The following CCSER2 variants were observed in gnomAD, a reference collection of about 807,000 sequenced individuals.
The protein encoded by CCSER2 is serine-rich coiled-coil domain-containing protein 2.
In CCSER2, 46 loss-of-function variants were observed where a neutral mutation model predicts 92.3. That is an observed-to-expected ratio of 0.50 (90% confidence interval 0.39 to 0.64). The LOEUF is 0.64. CCSER2 is among the 30% of genes least tolerant of loss of function. The pLI is 0.00. For missense variants in CCSER2, 1,244 were observed against 1,238.9 expected (o/e 1.00, Z -0.06); for synonymous variants, 433 against 431.4 (o/e 1.00, Z -0.04).
intron 3 of CCSER2, among the ~76,000 whole-genome samples, chr10:84,382,578 A>G (rs1840972727): frequency 1.3e-5 from 2 of 152,238 alleles, no homozygotes; most frequent in Non-Finnish European, 2.9e-5. Context: ...CAATGCTAGG[A>G]CAATACAAGA....
intron 7 of CCSER2, among the ~76,000 whole-genome samples, chr10:84,465,835 C>T (rs1486253497): frequency 1.3e-5 from 2 of 151,974 alleles, no homozygotes; most frequent in Non-Finnish European, 2.9e-5. Context: ...ACTGCAAGCT[C>T]AGCCTCCTGG....
chr10:84,495,822 A>G (rs971050617), intron 9 of CCSER2, among the ~76,000 whole-genome samples: 9 of 150,232 alleles, frequency 6.0e-5, no homozygotes, highest in Admixed American at 6.6e-5. Context: ...TTATTTTAAA[A>G]TATATATATT....
At chr10:84,464,487 A>G (rs1186611882) in intron 7 of CCSER2, among the ~76,000 whole-genome samples, 1 of 152,046 alleles carries the variant, frequency 6.6e-6, no homozygotes, top group Non-Finnish European at 1.5e-5. Context: ...AAACTCTTTT[A>G]TTTTGCAACT....
intron 5 of CCSER2, 74 bp downstream of exon 5, chr10:84,425,967 C>A: frequency 2.8e-6 from 3 of 1,085,600 alleles, no homozygotes; most frequent in Admixed American, 6.8e-5. Context: ...TTCCCAGAAC[C>A]CTCAAAAAAC....
At chr10:84,366,809 G>A (rs76744101) in intron 1 of CCSER2, among the ~76,000 whole-genome samples, 1,880 of 152,244 alleles carry the variant, frequency 0.012, 17 homozygotes, top group Non-Finnish European at 0.02. Flanking sequence ...GTAGAATGAC[G>A]TGATCCAGAT....
rs185455661 is a variant in CCSER2, at chr10:84,402,300, C to T, written c.1615-15471C>T. 2.0e-5 allele frequency among the ~76,000 whole-genome samples: 3 copies of T among 152,212 alleles called. No individual in the cohort carries two copies. In the East Asian group the frequency reaches 5.8e-4, roughly 29 times the overall value. The stretch of plus-strand genomic sequence containing the variant: ...GCTGCTGGTGACAGTAGCTCCCAGC[C>T]TGTGTTGACAGAGAAACTTGAAGAG... On this transcript the variant is annotated intron_variant, in intron 3 of 9. Coordinates refer to ENST00000372088, the MANE Select transcript of CCSER2 (RefSeq NM_001284240.2).
At chr10:84,393,267 C>CT (rs1362865975) in intron 3 of CCSER2, among the ~76,000 whole-genome samples, 2 of 152,138 alleles carry the variant, frequency 1.3e-5, no homozygotes, top group African/African-American at 2.4e-5. Context: ...TGCCTCTGTG[C>CT]TGTCAGTGTG....
chr10:84,344,682 A>C (rs1252424376), intron 1 of CCSER2, among the ~76,000 whole-genome samples: 1 of 152,172 alleles, frequency 6.6e-6, no homozygotes, highest in East Asian at 1.9e-4. Context: ...ATTTTGAGTC[A>C]AGGGAGTAGT....
At chr10:84,393,930 T>C (rs574365687) in intron 3 of CCSER2, 3 of 152,320 alleles carry the variant, frequency 2.0e-5, no homozygotes, top group African/African-American at 4.8e-5. Flanking sequence ...CAAACTGATA[T>C]TGATACTTTC....
At position 84,518,488 on chromosome 10, in the gene CCSER2, TAAATAA is replaced by T. The variant is rs1442502486; in HGVS notation, c.*4229_*4234del. On this transcript the variant is annotated 3_prime_UTR_variant, in exon 10 of 10. Coordinates refer to ENST00000372088, the MANE Select transcript of CCSER2 (RefSeq NM_001284240.2). The stretch of plus-strand genomic sequence containing the variant: ...GTCTCTCCTGAAAATGTTGGCATAG[TAAATAA>T]AAATAAAGTTCATAATTATAAAAGT... 6.6e-6 allele frequency: 1 copy of T among 152,654 alleles called. No homozygotes were observed. Among genetic ancestry groups the T allele is most frequent in the Non-Finnish European group, 1.5e-5 (1 of 68,038 alleles). The allele number at this position is 152,654 out of a possible 1,614,324, so 9.5% of individuals were successfully genotyped here. A position where few individuals can be genotyped will look rare whatever the true frequency, so the allele number is the denominator to read the frequency against.
chr10:84,436,690 G>A (rs1247183654), intron 5 of CCSER2, among the ~76,000 whole-genome samples: 1 of 151,696 alleles, frequency 6.6e-6, no homozygotes, highest in Non-Finnish European at 1.5e-5. Flanking sequence ...GGTGTGTTGA[G>A]GGAAGAAGAT....
chr10:84,362,230 T>C (rs1845540206), intron 1 of CCSER2, among the ~76,000 whole-genome samples: 1 of 152,200 alleles, frequency 6.6e-6, no homozygotes, highest in South Asian at 2.1e-4. Flanking sequence ...AGATCCTGTA[T>C]AGACTGAAAT....
At chr10:84,457,341 A>ATAATATAT (rs1564685226) in intron 6 of CCSER2, among the ~76,000 whole-genome samples, 17 of 60,772 alleles carry the variant, frequency 2.8e-4, no homozygotes, top group African/African-American at 9.2e-4. Flanking sequence ...TATATTATAT[A>ATAATATAT]TTATATATAA....
intron 1 of CCSER2, among the ~76,000 whole-genome samples, chr10:84,367,353 A>G (rs886891492): frequency 1.3e-5 from 2 of 148,310 alleles, no homozygotes; most frequent in Non-Finnish European, 3.0e-5. Context: ...TTCTAATTCA[A>G]TATCTTTGTC....
chr10:84,473,564 G>T (rs1410001096), intron 8 of CCSER2, among the ~76,000 whole-genome samples: 10 of 152,128 alleles, frequency 6.6e-5, no homozygotes, highest in Admixed American at 3.3e-4. Context: ...GATTTTAACA[G>T]TATAAGGTTT....
intron 3 of CCSER2, among the ~76,000 whole-genome samples, chr10:84,403,547 C>T (rs1486209003): frequency 2.6e-5 from 4 of 152,060 alleles, no homozygotes; most frequent in African/African-American, 4.8e-5. Context: ...ACAAAGTTCT[C>T]GTGTCCAAAA....
At chr10:84,493,034 A>G (rs1848258435) in intron 9 of CCSER2, among the ~76,000 whole-genome samples, 1 of 152,192 alleles carries the variant, frequency 6.6e-6, no homozygotes, top group Non-Finnish European at 1.5e-5. Flanking sequence ...TGTAGAATTA[A>G]TGTTTAATTC....
Position 84,514,454 on chromosome 10 carries a change from T to C in CCSER2, c.*187T>C. 1 of 564,276 alleles carries C rather than the reference T, an allele frequency of 1.8e-6. No individual in the cohort carries two copies. Among genetic ancestry groups the C allele is most frequent in the Middle Eastern group, 4.7e-4 (1 of 2,150 alleles). The allele number at this position is 564,276 out of a possible 1,614,324, so 35.0% of individuals were successfully genotyped here. A position where few individuals can be genotyped will look rare whatever the true frequency, so the allele number is the denominator to read the frequency against. ...ATATCCTGGTTGAAGTACATGCCATTTGAGCATAATTATCTCAGGTAAACA... is the reference window on the plus strand; with the variant it reads ...ATATCCTGGTTGAAGTACATGCCATCTGAGCATAATTATCTCAGGTAAACA... On this transcript the variant is annotated 3_prime_UTR_variant, in exon 10 of 10. Coordinates refer to ENST00000372088, the MANE Select transcript of CCSER2 (RefSeq NM_001284240.2).
rs1458506127 is a variant in CCSER2 at position 84,518,187 on chromosome 10, TA to T, written c.*3923del. ...AGCAATTTGAGAGAGTACTTTTGAT[TA>T]AATGATTCTGATGGTGGGCACCAAT... On this transcript the variant is annotated 3_prime_UTR_variant, in exon 10 of 10. Coordinates refer to ENST00000372088, the MANE Select transcript of CCSER2 (RefSeq NM_001284240.2). 6.6e-6 allele frequency: 1 copy of T among 152,256 alleles called. No individual in the cohort carries two copies. The highest frequency in any genetic ancestry group is 1.5e-5 in the Non-Finnish European group (1 of 68,040). 9.4% of individuals were successfully genotyped at this position (152,256 alleles called of 1,614,324 possible).
Sources: allele counts gnomAD v4.1 joint callset (sites outside exome capture counted in the v4.1 genomes callset), GRCh38; gene constraint gnomAD v4.1.1; transcripts MANE v1.5; gene names NCBI Gene and HGNC (gene_info 2026-07-23, HGNC 2026-07-21).